The following RCC1L variants were observed in gnomAD, a reference collection of about 807,000 sequenced individuals.
RCC1L encodes RCC1-like G exchanging factor-like protein.
RCC1L carries 46 observed loss-of-function variants against 58.6 expected under a neutral mutation model. The ratio of observed to expected loss-of-function variants is 0.79; its 90% CI spans 0.62 to 1.00. The LOEUF is 1.00. Ranked by LOEUF, RCC1L falls within the 50% of genes least tolerant of loss-of-function variation. The probability of loss-of-function intolerance (pLI) is 0.00; values close to 1 mark genes in which losing one functional copy is unlikely to be tolerated. For missense variants in RCC1L, 636 were observed against 623.6 expected (o/e 1.02, Z -0.21); for synonymous variants, 281 against 262.9 (o/e 1.07, Z -0.67).
At chr7:75,070,873 G>A (rs1248996039) in intron 1 of RCC1L, 104 bp from the exon 2 acceptor site, 15 of 1,479,266 alleles carry the variant, frequency 1.0e-5, no homozygotes, top group South Asian at 3.7e-5. Flanking sequence ...TACTATTTAC[G>A]GGGGTTTTGT....
chr7:75,055,347 T>C (rs946677190), intron 9 of RCC1L, among the ~76,000 whole-genome samples: 11 of 152,160 alleles, frequency 7.2e-5, no homozygotes, highest in Admixed American at 4.6e-4. Flanking sequence ...GGCTTTGTAA[T>C]CTGGCAGGCC....
intron 8 of RCC1L, 23 bp from the exon 9 acceptor site, chr7:75,056,097 G>C (rs1554443908): frequency 1.2e-6 from 2 of 1,613,488 alleles, no homozygotes; most frequent in Non-Finnish European, 1.7e-6. Context: ...AAAAACAAGG[G>C]TCAGTAAGTC....
At chr7:75,044,262 C>G (rs953154386) in intron 10 of RCC1L, among the ~76,000 whole-genome samples, 20 of 152,184 alleles carry the variant, frequency 1.3e-4, no homozygotes, top group Non-Finnish European at 2.4e-4. Flanking sequence ...ATTCACATAG[C>G]TGCAAGATAA....
At chr7:75,043,186 G>A (rs962125670) in intron 10 of RCC1L, 77 bp from the exon 11 acceptor site, 19 of 1,540,764 alleles carry the variant, frequency 1.2e-5, no homozygotes, top group East Asian at 9.0e-5. Context: ...TGGCCGACCC[G>A]GCCCTGCCTC....
rs2115578326 is a variant in RCC1L at position 75,073,519 on chromosome 7, G to A, written c.219C>T (p.Gly73=). 2.8e-6 allele frequency: 4 copies of A among 1,447,904 alleles called. No homozygotes were observed. Among genetic ancestry groups the A allele is most frequent in the Non-Finnish European group, 3.6e-6 (4 of 1,108,004 alleles). 89.7% of individuals were successfully genotyped at this position (1,447,904 alleles called of 1,614,324 possible). A position where few individuals can be genotyped will look rare whatever the true frequency, so the allele number is the denominator to read the frequency against. ...VWGFSFSGAL[G]VPSFVVPSSG... ...AGCTGGGCACCACAAAGGAAGGCACGCCCAGCGCCCCCGAGAAGCTGAAGC... is the reference window on the plus strand; with the variant it reads ...AGCTGGGCACCACAAAGGAAGGCACACCCAGCGCCCCCGAGAAGCTGAAGC... The change falls in exon 1 of 11, where the codon GGC becomes GGT. Residue 73 remains glycine, a synonymous_variant. Transcript: ENST00000610322.
In RCC1L at chr7:75,058,586, A is replaced by G. The variant is rs1216054010; in HGVS notation, c.969+2T>C. 2 of 1,600,866 alleles carry G rather than the reference A, an allele frequency of 1.2e-6. No individual in the cohort carries two copies. Among genetic ancestry groups the G allele is most frequent in the African/African-American group, 1.3e-5 (1 of 74,720 alleles). On this transcript the variant is annotated splice_donor_variant, in intron 7 of 10. Coordinates refer to ENST00000610322, the MANE Select transcript of RCC1L (RefSeq NM_030798.5). LOFTEE classifies it high-confidence loss of function. ...AGCACCACGCTGTCGGCGACTGCATACCTGTGTGGAGTCAGTGACAGAGGC... is the reference window on the plus strand; with the variant it reads ...AGCACCACGCTGTCGGCGACTGCATGCCTGTGTGGAGTCAGTGACAGAGGC...
intron 10 of RCC1L, chr7:75,028,208 C>T: frequency 1.2e-6 from 1 of 865,202 alleles, no homozygotes. Flanking sequence ...GCAACCTCCA[C>T]TTCCTGGGTT....
At chr7:75,050,904 C>T (rs1412006269) in intron 10 of RCC1L, among the ~76,000 whole-genome samples, 5 of 151,988 alleles carry the variant, frequency 3.3e-5, no homozygotes, top group Admixed American at 3.3e-4. Flanking sequence ...CCAGCCTGGG[C>T]AACATAGTGA....
chr7:75,028,157 G>C lies in RCC1L; in HGVS notation c.1318-78C>G, dbSNP rs1337690604. The C allele has an allele frequency of 7.5e-6, 10 of 1,340,962 alleles. No homozygotes were observed. The East Asian group carries it at 2.0e-4, about 27-fold the overall frequency. 83.1% of individuals were successfully genotyped at this position (1,340,962 alleles called of 1,614,324 possible). A position where few individuals can be genotyped will look rare whatever the true frequency, so the allele number is the denominator to read the frequency against. ...TTTTGAGACGGAGTCTTGCTCTGTC[G>C]CCCAGGCTGGAGTGCTGTGGCATGA... On this transcript the variant is annotated intron_variant, in intron 10 of 10. Coordinates refer to the RCC1L transcript ENST00000614461.
rs141188468 is a variant in RCC1L at position 75,070,729 on chromosome 7, G to C, written c.365C>G (p.Ser122Cys). 1.2e-6 allele frequency: 2 copies of C among 1,614,096 alleles called. No individual in the cohort carries two copies. Among genetic ancestry groups the C allele is most frequent in the Non-Finnish European group, 1.7e-6 (2 of 1,180,012 alleles). ...AACGYGFTLLSSKTADVTKVW... is the reference protein window; with the variant it reads ...AACGYGFTLLCSKTADVTKVW... ...TTTCGTAACATCCGCAGTCTTAGAG[G>C]ACAGCAGTGTGAATCCATAGCCGCA... The change falls in exon 2 of 11, where the codon TCC becomes TGC. Residue 122 changes from serine to cysteine, a missense_variant. Ser to Cys is a moderately radical substitution (Grantham distance 112). Coordinates refer to ENST00000610322, the MANE Select transcript of RCC1L (RefSeq NM_030798.5).
downstream of RCC1L, among the ~76,000 whole-genome samples, chr7:75,041,372 G>T (rs987723309): frequency 5.9e-5 from 9 of 152,132 alleles, no homozygotes; most frequent in African/African-American, 1.9e-4. Context: ...TTCACGGTGC[G>T]GGGATTTTTG....
At chr7:75,033,799 A>C (rs878880317) in intron 10 of RCC1L, among the ~76,000 whole-genome samples, 15,827 of 152,122 alleles carry the variant, frequency 0.1, 970 homozygotes, top group Middle Eastern at 0.3. Context: ...TGGAGGCTCC[A>C]GTGAGCTATG....
chr7:75,043,140 G>T lies in RCC1L; in HGVS notation c.1318-31C>A, dbSNP rs1029238735. ...AAATAAGATCCAGCATACCATGGGT[G>T]GGGGTGGCGCACCCGGAGGAGACAG... On this transcript the variant is annotated intron_variant, in intron 10 of 10. Transcript: ENST00000610322. The T allele has an allele frequency of 2.6e-5, 42 of 1,613,066 alleles. No homozygotes were observed. In the African/African-American group the frequency reaches 4.7e-4, roughly 18 times the overall value.
rs901312675 is a variant in RCC1L at position 75,050,813 on chromosome 7, C to T, written c.1317+1898G>A. 3.0e-4 allele frequency among the ~76,000 whole-genome samples: 45 copies of T among 152,190 alleles called. 1 individual carries two copies. The highest frequency in any genetic ancestry group is 2.9e-3 in the East Asian group (15 of 5,182). ...GCTTTCCAACAAGGCTAAAGTCGCCCGGGCGTGATGGGTCATGCCTGTAAT... is the reference window on the plus strand; with the variant it reads ...GCTTTCCAACAAGGCTAAAGTCGCCTGGGCGTGATGGGTCATGCCTGTAAT... On this transcript the variant is annotated intron_variant, in intron 10 of 10. Coordinates refer to ENST00000610322, the MANE Select transcript of RCC1L (RefSeq NM_030798.5).
chr7:75,033,212 C>T (rs1300754439), intron 10 of RCC1L, among the ~76,000 whole-genome samples: 1 of 152,084 alleles, frequency 6.6e-6, no homozygotes, highest in Non-Finnish European at 1.5e-5. Context: ...AGGGGTCCTT[C>T]CCGGAGCATT....
chr7:75,072,171 T>TATATATATATATATATATATACATATAC (rs1391044351), intron 1 of RCC1L, among the ~76,000 whole-genome samples: 2 of 87,042 alleles, frequency 2.3e-5, no homozygotes, highest in East Asian at 7.8e-4. Flanking sequence ...CATATATATA[T>TATATATATATATATATATATACATATAC]ATATATATAT....
At chr7:75,028,099 GCT>G (rs1166176145) in intron 10 of RCC1L, 2 of 1,511,818 alleles carry the variant, frequency 1.3e-6, no homozygotes, top group Admixed American at 2.2e-5. Flanking sequence ...GAGGAAGAGG[GCT>G]CTCTATGATG....
intron 5 of RCC1L, 142 bp downstream of exon 5, chr7:75,063,150 A>G: frequency 2.1e-6 from 2 of 939,906 alleles, no homozygotes; most frequent in Non-Finnish European, 1.7e-6. Context: ...ATCCTGGCCT[A>G]TAGTAAGTAG....
chr7:75,056,151 A>C, intron 8 of RCC1L, 77 bp from the exon 9 acceptor site: 2 of 1,520,954 alleles, frequency 1.3e-6, no homozygotes, highest in South Asian at 1.1e-5. Context: ...AAACTACACC[A>C]CCAAGGTTTA....
Sources: allele counts gnomAD v4.1 joint callset (sites outside exome capture counted in the v4.1 genomes callset), GRCh38; gene constraint gnomAD v4.1.1; transcripts MANE v1.5; gene names NCBI Gene and HGNC (gene_info 2026-07-23, HGNC 2026-07-21).